Variants in WDR7 observed in about 807,000 individuals in gnomAD.
WDR7 encodes the protein WD repeat domain 7.
In WDR7, 46 loss-of-function variants were observed where a neutral mutation model predicts 169.4. The observed-to-expected ratio is 0.27, with a 90% CI of 0.21 to 0.35. The LOEUF is 0.35. Ranked by LOEUF, WDR7 falls within the 10% of genes least tolerant of loss-of-function variation. WDR7 has a pLI of 1.00. For synonymous variants in WDR7, 612 were observed against 666.8 expected (o/e 0.92, Z 1.27); for missense variants, 1,534 against 1,859.3 (o/e 0.83, Z 3.22).
chr18:56,905,519 G>A (rs1357534400), intron 21 of WDR7, among the ~76,000 whole-genome samples: 1 of 151,940 alleles, frequency 6.6e-6, no homozygotes, highest in African/African-American at 2.4e-5. Flanking sequence ...TTATTCTAGA[G>A]GATTAAGAGT....
At chr18:56,688,935 A>G (rs2025506378) in intron 7 of WDR7, among the ~76,000 whole-genome samples, 1 of 152,208 alleles carries the variant, frequency 6.6e-6, no homozygotes, top group Admixed American at 6.5e-5. Flanking sequence ...CAGAGGAGAT[A>G]ATTACAATAT....
In WDR7 at chr18:56,840,158, TAGG is replaced by T. The variant is rs545267831; in HGVS notation, c.3304+24017_3304+24019del. Among the ~76,000 whole-genome samples the T allele has an allele frequency of 4.2e-4, 64 of 152,112 alleles. 1 individual carries two copies. The South Asian group carries it at 0.012, about 30-fold the overall frequency. On this transcript the variant is annotated intron_variant, in intron 20 of 27. Transcript: ENST00000254442. ...GAAGGAAGCTATATAACATTTTTAT[TAGG>T]AGAGGAAGAGGGATTACCCTAAGAC... is the stretch of plus-strand genomic sequence containing the variant.
rs1417487711 is a variant in WDR7, at chr18:56,733,096, G to A, written c.1989+1499G>A. On this transcript the variant is annotated intron_variant, in intron 14 of 27. Coordinates refer to ENST00000254442, the MANE Select transcript of WDR7 (RefSeq NM_015285.3). ...CCCTGTTTTAATAGCGTATTTTATA[G>A]CGCAATTAGTGATAAAAGCACCAGA... Among the ~76,000 whole-genome samples, 12 of 152,236 alleles carry A rather than the reference G, an allele frequency of 7.9e-5. No individual in the cohort carries two copies. The South Asian group carries it at 2.5e-3, about 32-fold the overall frequency.
chr18:57,003,935 G>T lies in WDR7; in HGVS notation c.4165-16810G>T, dbSNP rs939732751. On this transcript the variant is annotated intron_variant, in intron 26 of 27. Coordinates refer to ENST00000254442, the MANE Select transcript of WDR7 (RefSeq NM_015285.3). ...GGCTTTTGAATATAGTATTCCCTCC[G>T]CATGGAGGGTGTGTGTTATACCCTT... 3.3e-5 allele frequency among the ~76,000 whole-genome samples: 5 copies of T among 151,804 alleles called. No individual in the cohort carries two copies. In the East Asian group the frequency reaches 5.8e-4, roughly 18 times the overall value.
At chr18:56,903,672 G>A (rs550733548) in intron 21 of WDR7, among the ~76,000 whole-genome samples, 37 of 151,918 alleles carry the variant, frequency 2.4e-4, no homozygotes, top group Middle Eastern at 3.4e-3. Flanking sequence ...CGCACTCCTC[G>A]GCCTCCCAAA....
chr18:56,825,786 A>G (rs974867830), intron 20 of WDR7, among the ~76,000 whole-genome samples: 13 of 152,194 alleles, frequency 8.5e-5, no homozygotes, highest in African/African-American at 1.2e-4. Context: ...AAATGTGAAG[A>G]AAATACTTCC....
At chr18:56,911,510 T>A (rs1013165591) in intron 21 of WDR7, among the ~76,000 whole-genome samples, 1 of 152,188 alleles carries the variant, frequency 6.6e-6, no homozygotes, top group Non-Finnish European at 1.5e-5. Flanking sequence ...TTTACCAACA[T>A]GTAAAACAAT....
intron 13 of WDR7, 27 bp downstream of exon 13, chr18:56,718,186 T>C (rs2026235080): frequency 2.0e-6 from 3 of 1,464,548 alleles, no homozygotes; most frequent in Non-Finnish European, 2.7e-6. Flanking sequence ...AGAGATACTA[T>C]AGAAAATTAA....
At chr18:56,686,826 C>T (rs1598961448) in intron 6 of WDR7, 29 bp from the exon 7 acceptor site, 1 of 1,452,324 alleles carries the variant, frequency 6.9e-7, no homozygotes, top group Non-Finnish European at 9.4e-7. Flanking sequence ...TCATGCTATT[C>T]CTAAATTTTT....
intron 25 of WDR7, among the ~76,000 whole-genome samples, chr18:56,957,943 C>T (rs1568285988): frequency 6.6e-6 from 1 of 152,130 alleles, no homozygotes; most frequent in Non-Finnish European, 1.5e-5. Flanking sequence ...TATCTTTCTC[C>T]CAAGTCCTAA....
intron 20 of WDR7, among the ~76,000 whole-genome samples, chr18:56,857,806 C>G (rs1044320789): frequency 2.0e-5 from 3 of 151,994 alleles, no homozygotes; most frequent in Admixed American, 2.0e-4. Context: ...GTATGGGAGC[C>G]CAGAGGACCG....
chr18:56,828,447 C>G (rs968665269), intron 20 of WDR7, among the ~76,000 whole-genome samples: 2 of 152,116 alleles, frequency 1.3e-5, no homozygotes, highest in African/African-American at 2.4e-5. Context: ...TGGAGACAAG[C>G]TTTCCGAATG....
At chr18:56,739,478 T>G (rs1328475685) in intron 14 of WDR7, among the ~76,000 whole-genome samples, 1 of 152,166 alleles carries the variant, frequency 6.6e-6, no homozygotes, top group African/African-American at 2.4e-5. Flanking sequence ...CACTAGACAT[T>G]ATTATTGTTT....
intron 16 of WDR7, among the ~76,000 whole-genome samples, chr18:56,772,060 CAAAAAAAAAAAAAAA>C (rs71169397): frequency 3.9e-5 from 2 of 51,168 alleles, no homozygotes; most frequent in African/African-American, 1.5e-4. Flanking sequence ...GACCCTGTCT[CAAAAAAAAAAAAAAA>C]AAAAAAAAAA....
chr18:56,830,205 A>T (rs2045284169), intron 20 of WDR7, among the ~76,000 whole-genome samples: 1 of 152,186 alleles, frequency 6.6e-6, no homozygotes, highest in South Asian at 2.1e-4. Flanking sequence ...GCCCTTCATG[A>T]TCTAAAATAA....
intron 23 of WDR7, chr18:56,936,110 G>T: frequency 4.1e-6 from 2 of 482,608 alleles, no homozygotes; most frequent in South Asian, 4.1e-5. Context: ...TTCTGCTTCT[G>T]TATTCATTTC....
rs146402918 is a variant in WDR7 at position 56,866,089 on chromosome 18, A to T, written c.3305-13855A>T. ...TTGTAGGTCAGTGAAGATTCTGGTG[A>T]TCCATCCAGAATGATGTTGCCAGGA... is the stretch of plus-strand genomic sequence containing the variant. On this transcript the variant is annotated intron_variant, in intron 20 of 27. Coordinates refer to ENST00000254442, the MANE Select transcript of WDR7 (RefSeq NM_015285.3). 1.8e-3 allele frequency among the ~76,000 whole-genome samples: 277 copies of T among 152,296 alleles called. 1 individual carries two copies. Among genetic ancestry groups the T allele is most frequent in the Non-Finnish European group, 3.4e-3 (231 of 68,020 alleles).
At chr18:56,852,561 CTA>C (rs1231527718) in intron 20 of WDR7, among the ~76,000 whole-genome samples, 1 of 151,620 alleles carries the variant, frequency 6.6e-6, no homozygotes, top group Non-Finnish European at 1.5e-5. Context: ...TAGAAATTTA[CTA>C]TGTTTTAATA....
At chr18:56,734,212 T>C (rs1181464898) in intron 14 of WDR7, among the ~76,000 whole-genome samples, 1 of 152,074 alleles carries the variant, frequency 6.6e-6, no homozygotes, top group African/African-American at 2.4e-5. Flanking sequence ...CCTTGCCTTC[T>C]CTGTATTATC....
Sources: allele counts gnomAD v4.1 joint callset (sites outside exome capture counted in the v4.1 genomes callset), GRCh38; gene constraint gnomAD v4.1.1; transcripts MANE v1.5; gene names NCBI Gene and HGNC (gene_info 2026-07-23, HGNC 2026-07-21).